ZBTB34: variants seen among roughly 807,000 people sequenced by gnomAD.
The protein encoded by ZBTB34 is zinc finger and BTB domain containing 34.
Under a neutral mutation model 33.4 loss-of-function variants are expected in ZBTB34, and 1 was observed. The observed-to-expected ratio is 0.03, with a 90% CI of 0.01 to 0.14. The LOEUF is 0.14. Among genes scored for constraint, ZBTB34 ranks in the 10% least tolerant of loss-of-function variants. The pLI, the probability that ZBTB34 is intolerant of heterozygous loss-of-function variation, is 1.00. For missense variants in ZBTB34, 406 were observed against 657.2 expected, an observed-to-expected ratio of 0.62 and a Z score of 4.18; for synonymous variants, 283 against 253.5, an observed-to-expected ratio of 1.12 and a Z score of -1.11.
At chr9:126,869,077 G>A (rs923792797) in intron 1 of ZBTB34, among the ~76,000 whole-genome samples, 1 of 152,116 alleles carries the variant, frequency 6.6e-6, no homozygotes, top group African/African-American at 2.4e-5. Flanking sequence ...AACTCCTACA[G>A]CTGAAATTGC....
In ZBTB34 at chr9:126,880,525, T is replaced by C. The variant is rs1417603061; in HGVS notation, c.1126T>C (p.Leu376=). ...GCATTGGTACCCGTACAATGAGAGG[T>C]TGATCTGTATTTACTGTGGAAAGTC... The change falls in exon 2 of 2, where the codon TTG becomes CTG. Residue 376 remains leucine (L), a synonymous_variant. Transcript: ENST00000319119. This position sits in a 1 kb window ranked among gnomAD's most constrained non-coding sequence, Gnocchi z 6.7. The C allele has an allele frequency of 3.7e-6, 6 of 1,613,060 alleles. No homozygotes were observed. The highest frequency in any genetic ancestry group is 4.2e-6 in the Non-Finnish European group (5 of 1,179,674).
chr9:126,866,744 A>G (rs1256219162), intron 1 of ZBTB34, among the ~76,000 whole-genome samples: 5 of 152,134 alleles, frequency 3.3e-5, no homozygotes, highest in East Asian at 3.9e-4. Context: ...AAAAAATTAT[A>G]TATTTGTAGG....
At chr9:126,866,993 C>T (rs1771836537) in intron 1 of ZBTB34, among the ~76,000 whole-genome samples, 1 of 152,150 alleles carries the variant, frequency 6.6e-6, no homozygotes, top group Admixed American at 6.5e-5. Context: ...TATTAGTCTA[C>T]ATCTTGCTGT....
intron 1 of ZBTB34, among the ~76,000 whole-genome samples, chr9:126,867,447 C>CTTTTTTTTTTTTTTTTT (rs201325256): frequency 6.7e-5 from 8 of 119,498 alleles, no homozygotes; most frequent in Non-Finnish European, 8.9e-5. Flanking sequence ...TGTCATTTTT[C>CTTTTTTTTTTTTTTTTT]TTTTTTTTTT....
chr9:126,865,321 C>CT (rs769487224), intron 1 of ZBTB34, among the ~76,000 whole-genome samples: 1 of 152,382 alleles, frequency 6.6e-6, no homozygotes, highest in Non-Finnish European at 1.5e-5. Context: ...GAGAGCCTCT[C>CT]TGCCCCAGAC....
chr9:126,883,958 G>A (rs571344225), exon 2 of ZBTB34: 1 of 167,208 alleles, frequency 6.0e-6, no homozygotes, highest in South Asian at 2.1e-4. Flanking sequence ...TTCACTTCAC[G>A]TCTCCGCAGA....
At chr9:126,863,596 CA>C in intron 1 of ZBTB34, 2 of 626,254 alleles carry the variant, frequency 3.2e-6, no homozygotes, top group Non-Finnish European at 4.0e-6. Flanking sequence ...TTGTAGCTGA[CA>C]AACTGCTGAA....
At chr9:126,881,826 G>C (rs1249126487) in exon 2 of ZBTB34, 1 of 166,906 alleles carries the variant, frequency 6.0e-6, no homozygotes, top group East Asian at 1.9e-4. Flanking sequence ...CCTTCATTCC[G>C]TACTGTAGAA....
intron 1 of ZBTB34, among the ~76,000 whole-genome samples, chr9:126,864,151 T>C (rs1483674367): frequency 6.6e-6 from 1 of 152,162 alleles, no homozygotes; most frequent in Non-Finnish European, 1.5e-5. Flanking sequence ...ATCTTACTCT[T>C]ATAAGAGATA....
chr9:126,860,642 G>GGCTGGGGCGGCA (rs1418608678), upstream of ZBTB34: 2 of 148,920 alleles, frequency 1.3e-5, no homozygotes, highest in African/African-American at 2.4e-5. Context: ...GGGGGGCGCG[G>GGCTGGGGCGGCA]GCTGGGGCGG....
At chr9:126,884,139 C>T (rs990497074) in exon 2 of ZBTB34, 1 of 166,988 alleles carries the variant, frequency 6.0e-6, no homozygotes, top group Non-Finnish European at 1.5e-5. Flanking sequence ...TTCATATAGG[C>T]TTGTTCATAA....
intron 1 of ZBTB34, among the ~76,000 whole-genome samples, chr9:126,872,259 A>T (rs898798661): frequency 2.0e-4 from 31 of 152,176 alleles, no homozygotes; most frequent in East Asian, 1.2e-3. Context: ...CCTACAAAAA[A>T]CTTTTTTAAA....
At position 126,880,367 on chromosome 9, in the gene ZBTB34, G is replaced by A. The variant is rs866122817; in HGVS notation, c.968G>A (p.Arg323His). ...ATGCTGAGCTGTTTCCGAGGAGGGC[G>A]TGCCCGCCAGAAGCGGGCTTTGTCT... is the stretch of plus-strand genomic sequence containing the variant. Residue 323 changes from arginine to histidine, a missense_variant, in exon 2 of 2, where the codon CGT (arginine) becomes CAT (histidine). By Grantham distance (29) the Arg-to-His change is conservative. Around this residue, in one of 6 missense-constraint regions of ZBTB34, gnomAD observed 123 missense variants for 140.4 expected, o/e 0.88. Transcript: ENST00000319119. The surrounding 1 kb of genome is among the most constrained non-coding windows in gnomAD (Gnocchi z 6.7). The A allele has an allele frequency of 3.2e-5, 52 of 1,613,688 alleles. No individual in the cohort carries two copies. The highest frequency in any genetic ancestry group is 1.2e-4 in the African/African-American group (9 of 74,952).
intron 1 of ZBTB34, among the ~76,000 whole-genome samples, chr9:126,870,837 G>A (rs1564222052): frequency 6.6e-6 from 1 of 152,016 alleles, no homozygotes; most frequent in Non-Finnish European, 1.5e-5. Context: ...TGAGGCAAGA[G>A]AATCACTTGA....
At chr9:126,876,160 G>T (rs771582540) in intron 1 of ZBTB34, among the ~76,000 whole-genome samples, 6 of 14,056 alleles carry the variant, frequency 4.3e-4, no homozygotes, top group African/African-American at 9.1e-4. Flanking sequence ...TTTCCCTTCC[G>T]TCCTTCCCCC....
Position 126,879,821 on chromosome 9 carries a change from T to C in ZBTB34, c.422T>C (p.Val141Ala). The C allele has an allele frequency of 6.2e-7, 1 of 1,613,272 alleles. No homozygotes were observed. The highest frequency in any genetic ancestry group is 8.5e-7 in the Non-Finnish European group (1 of 1,179,878). The change falls in exon 2 of 2, where the codon GTT becomes GCT. Residue 141 changes from valine to alanine, a missense_variant. Around this residue, in one of 6 missense-constraint regions of ZBTB34, gnomAD observed 137 missense variants for 173.0 expected, o/e 0.79. Transcript: ENST00000319119. The surrounding 1 kb of genome is among the most constrained non-coding windows in gnomAD (Gnocchi z 6.4). ...ATCAGCGTTGGAGATGTTGACTCTG[T>C]TACCGTCGGTGCTGAAGAGAATCCC...
chr9:126,877,825 T>G (rs1376131389), intron 1 of ZBTB34, among the ~76,000 whole-genome samples: 5 of 151,704 alleles, frequency 3.3e-5, no homozygotes, highest in African/African-American at 1.2e-4. Context: ...GCTAACATGG[T>G]GAAACCCCAT....
chr9:126,869,195 A>AC (rs1018010976), intron 1 of ZBTB34, among the ~76,000 whole-genome samples: 1 of 51,616 alleles, frequency 1.9e-5, no homozygotes, highest in African/African-American at 8.0e-5. Context: ...GCCCACCCCC[A>AC]CCCCCCACCC....
chr9:126,879,234 C>A lies in ZBTB34; in HGVS notation c.-10-156C>A. 3.3e-6 allele frequency: 2 copies of A among 605,580 alleles called. No individual in the cohort carries two copies. The highest frequency in any genetic ancestry group is 5.5e-6 in the Non-Finnish European group (2 of 360,854). 37.5% of individuals were successfully genotyped at this position (605,580 alleles called of 1,614,324 possible). A position where few individuals can be genotyped will look rare whatever the true frequency, so the allele number is the denominator to read the frequency against. ...TTTATTTGGCTTTAGGTGAATTAAC[C>A]AAAACATGAAAGACTAAAACAAGGG... On this transcript the variant is annotated intron_variant, in intron 1 of 1. Coordinates refer to ENST00000319119, the Ensembl canonical transcript of ZBTB34. This position sits in a 1 kb window ranked among gnomAD's most constrained non-coding sequence, Gnocchi z 6.4.
Sources: allele counts gnomAD v4.1 joint callset (sites outside exome capture counted in the v4.1 genomes callset), GRCh38; gene constraint gnomAD v4.1.1; regional missense constraint gnomAD v4.1.1; non-coding constraint Gnocchi (gnomAD v3.1); transcripts MANE v1.5; gene names NCBI Gene and HGNC (gene_info 2026-07-23, HGNC 2026-07-21).